The following DCD variants were observed in gnomAD, a reference collection of about 807,000 sequenced individuals.
The protein encoded by DCD is diffusible survival/evasion peptide.
Under a neutral mutation model 14.5 loss-of-function variants are expected in DCD, and 17 were observed. That is an observed-to-expected ratio of 1.18 (90% CI 0.81 to 1.76). DCD has a LOEUF of 1.76. Among genes scored for constraint, DCD ranks in the 40% most tolerant of loss-of-function variants. The pLI, the probability that DCD is intolerant of heterozygous loss-of-function variation, is 0.00. For missense variants in DCD, 139 were observed against 133.4 expected (o/e 1.04, Z -0.21); for synonymous variants, 64 against 54.0 (o/e 1.19, Z -0.82).
In DCD at chr12:54,645,679, C is replaced by T. The variant is rs1014380912; in HGVS notation, c.126G>A (p.Lys42=). 6.2e-7 allele frequency: 1 copy of T among 1,614,142 alleles called. No individual in the cohort carries two copies. The change falls in exon 3 of 5, where the codon AAG becomes AAA. Residue 42 remains lysine, a synonymous_variant. Coordinates refer to ENST00000293371, the MANE Select transcript of DCD (RefSeq NM_053283.4). ...NPCHEASAAQ[K]ENAGEDPGLA... ...ACCCTGGGTCTTCACCTGCATTTTC[C>T]TTTTGAGCTGCTGATGCTTCATGGC... is the stretch of plus-strand genomic sequence containing the variant.
chr12:54,648,168 G>T, intron 1 of DCD, 78 bp downstream of exon 1: 1 of 1,531,836 alleles, frequency 6.5e-7, no homozygotes, highest in Non-Finnish European at 9.0e-7. Context: ...CTCTGGCGAG[G>T]AGGGGAAGGG....
intron 4 of DCD, 48 bp from the exon 5 acceptor site, chr12:54,644,804 A>C (rs1958242673): frequency 6.3e-7 from 1 of 1,575,664 alleles, no homozygotes; most frequent in Admixed American, 1.8e-5. Context: ...GGAAGAAAAA[A>C]GGAAGGGAAA....
In DCD at chr12:54,648,324, G is replaced by T. The variant is rs747099940; in HGVS notation, c.-21C>A. 1.2e-6 allele frequency: 2 copies of T among 1,613,810 alleles called. No individual in the cohort carries two copies. The highest frequency in any genetic ancestry group is 1.7e-6 in the Non-Finnish European group (2 of 1,179,844). Reference sequence around the variant, plus strand: ...CTCATGCTTCTGTGTGCTGGAGTGGGTATGCCACCAAATCCTTGGAGATCT... The same window carrying T: ...CTCATGCTTCTGTGTGCTGGAGTGGTTATGCCACCAAATCCTTGGAGATCT... On this transcript the variant is annotated 5_prime_UTR_variant, in exon 1 of 5. Transcript: ENST00000293371.
At position 54,647,119 on chromosome 12, in the gene DCD, A is replaced by T. The variant is rs1383553615; in HGVS notation, c.97+2T>A. On this transcript the variant is annotated splice_donor_variant, in intron 2 of 4. Coordinates refer to ENST00000293371, the MANE Select transcript of DCD (RefSeq NM_053283.4). LOFTEE classifies it high-confidence loss of function. ...GGGGCAGGAGGAAGAGAAAGGACTC[A>T]CGGTTCCCCGATCCTGGGGCAGAGG... The T allele has an allele frequency of 1.9e-6, 3 of 1,557,982 alleles. No individual in the cohort carries two copies. The South Asian group carries it at 3.6e-5, about 18-fold the overall frequency.
intron 3 of DCD, 98 bp downstream of exon 3, chr12:54,645,508 T>C: frequency 9.1e-7 from 1 of 1,102,602 alleles, no homozygotes; most frequent in Non-Finnish European, 1.4e-6. Context: ...GGTGTAGCTG[T>C]GTCCCTGTGC....
intron 2 of DCD, 89 bp from the exon 3 acceptor site, chr12:54,645,796 G>A: frequency 9.2e-7 from 1 of 1,082,058 alleles, no homozygotes; most frequent in Non-Finnish European, 1.4e-6. Context: ...CCCCCTCAAG[G>A]TCTGGCTTGA....
chr12:54,645,903 CT>C, intron 2 of DCD, 196 bp from the exon 3 acceptor site: 1 of 585,470 alleles, frequency 1.7e-6, no homozygotes, highest in East Asian at 3.3e-5. Flanking sequence ...GCCTCCAAGA[CT>C]TTTCCTGCTC....
chr12:54,645,559 G>T, intron 3 of DCD, 47 bp downstream of exon 3: 1 of 1,534,494 alleles, frequency 6.5e-7, no homozygotes, highest in Non-Finnish European at 9.0e-7. Flanking sequence ...ATATCTTGCT[G>T]TTTCATGCAT....
In DCD at chr12:54,644,680, T is replaced by C. The variant is rs1323156007; in HGVS notation, c.*33A>G. ...AGGCTGAAGACGTAAAGCCTGCTGC[T>C]CCTGGGTATCATTTCTCAGCTTCTC... On this transcript the variant is annotated 3_prime_UTR_variant, in exon 5 of 5. Transcript: ENST00000293371. 7 of 1,364,460 alleles carry C rather than the reference T, an allele frequency of 5.1e-6. No individual in the cohort carries two copies. The allele number at this position is 1,364,460 out of a possible 1,614,324, so 84.5% of individuals were successfully genotyped here.
Position 54,644,620 on chromosome 12 carries a change from T to A in DCD, c.*93A>T. 9.9e-7 allele frequency: 1 copy of A among 1,006,236 alleles called. No homozygotes were observed. The highest frequency in any genetic ancestry group is 1.5e-5 in the South Asian group (1 of 65,018). 62.3% of individuals were successfully genotyped at this position (1,006,236 alleles called of 1,614,324 possible). A position where few individuals can be genotyped will look rare whatever the true frequency, so the allele number is the denominator to read the frequency against. On this transcript the variant is annotated 3_prime_UTR_variant, in exon 5 of 5. Coordinates refer to ENST00000293371, the MANE Select transcript of DCD (RefSeq NM_053283.4). ...AGATGCTTTCAGTTTAATAGCTGTT[T>A]TAAATTTTTTTTTTTTTTTTTTTTT...
At position 54,644,646 on chromosome 12, in the gene DCD, TTAGG is replaced by T; in HGVS notation, c.*63_*66del. 9.7e-7 allele frequency: 1 copy of T among 1,029,128 alleles called. No individual in the cohort carries two copies. Among genetic ancestry groups the T allele is most frequent in the Non-Finnish European group, 1.4e-6 (1 of 701,198 alleles). The allele number at this position is 1,029,128 out of a possible 1,614,324, so 63.7% of individuals were successfully genotyped here. On this transcript the variant is annotated 3_prime_UTR_variant, in exon 5 of 5. Transcript: ENST00000293371. ...TAAATTTTTTTTTTTTTTTTTTTTTTTAGGTTTTAGGCTGAAGACGTAAAGCCTG... is the reference window on the plus strand; with the variant it reads ...TAAATTTTTTTTTTTTTTTTTTTTTTTTTTAGGCTGAAGACGTAAAGCCTG...
Position 54,645,195 on chromosome 12 carries a change from T to C in DCD, c.267A>G (p.Glu89=). The C allele has an allele frequency of 6.2e-7, 1 of 1,614,128 alleles. No individual in the cohort carries two copies. The highest frequency in any genetic ancestry group is 2.2e-5 in the East Asian group (1 of 44,874). ...GLGKLGKDAV[E]DLESVGKGAV... ...CACCTTTACCCACGCTTTCTAGATC[T>C]TCGACTGCATCTTTTCCTAGTTTTC... The change falls in exon 4 of 5, where the codon GAA becomes GAG. Residue 89 remains glutamate (E), a synonymous_variant. Transcript: ENST00000293371.
chr12:54,647,211 T>C (rs761419719), intron 1 of DCD, 52 bp from the exon 2 acceptor site: 33 of 1,535,532 alleles, frequency 2.1e-5, no homozygotes, highest in African/African-American at 2.7e-5. Flanking sequence ...TTGCATGAGC[T>C]GTATCCAGCC....
chr12:54,645,487 C>A, intron 3 of DCD, 119 bp downstream of exon 3: 1 of 994,654 alleles, frequency 1.0e-6, no homozygotes, highest in Non-Finnish European at 1.5e-6. Flanking sequence ...CAAGCCCTCC[C>A]TAGGAATATG....
chr12:54,644,934 C>A (rs1284529388), intron 4 of DCD, 178 bp from the exon 5 acceptor site: 10 of 1,549,340 alleles, frequency 6.5e-6, no homozygotes, highest in Non-Finnish European at 7.8e-6. Context: ...CAAAGACCAA[C>A]CTCTCTTCCC....
At chr12:54,647,431 G>T (rs756034306) in intron 1 of DCD, among the ~76,000 whole-genome samples, 2 of 152,192 alleles carry the variant, frequency 1.3e-5, no homozygotes, top group South Asian at 4.1e-4. Flanking sequence ...TGTCTTAGAT[G>T]TCCAAGTTTC....
intron 3 of DCD, 70 bp from the exon 4 acceptor site, chr12:54,645,332 C>A (rs753084897): frequency 2.1e-6 from 3 of 1,458,246 alleles, no homozygotes; most frequent in African/African-American, 1.4e-5. Flanking sequence ...AGAGCTCCCC[C>A]GCTTCCTAGG....
At chr12:54,648,001 T>A (rs1233725770) in intron 1 of DCD, among the ~76,000 whole-genome samples, 1 of 152,100 alleles carries the variant, frequency 6.6e-6, no homozygotes, top group Non-Finnish European at 1.5e-5. Context: ...GCCAGAGTGG[T>A]TGGAGCAGAG....
At chr12:54,647,491 G>A (rs868690) in intron 1 of DCD, among the ~76,000 whole-genome samples, 38,304 of 152,120 alleles carry the variant, frequency 0.25, 5,153 homozygotes, top group African/African-American at 0.32. Context: ...CACAGCACCT[G>A]CTCTAGTGAC....
Sources: gnomAD v4.1 joint callset for allele counts (sites outside exome capture counted in the v4.1 genomes callset) on GRCh38, gnomAD v4.1.1 for gene constraint, MANE v1.5 for transcripts, NCBI Gene and HGNC (gene_info 2026-07-23, HGNC 2026-07-21) for gene names.